Variants in WNK1 observed in about 807,000 individuals in gnomAD.
The protein encoded by WNK1 is WNK lysine deficient protein kinase 1.
A neutral mutation model predicts 222.8 loss-of-function variants in WNK1; 38 were observed. The observed-to-expected ratio is 0.17, with a 90% confidence interval of 0.13 to 0.22. The LOEUF is 0.22. Ranked by LOEUF, WNK1 falls within the 10% of genes least tolerant of loss-of-function variation. WNK1 has a pLI of 1.00. For synonymous variants in WNK1, 1,090 were observed against 1,092.9 expected (o/e 1.00, Z 0.05); for missense variants, 2,348 against 2,918.4 (o/e 0.80, Z 4.50).
intron 1 of WNK1, among the ~76,000 whole-genome samples, chr12:786,261 G>A (rs1053408021): frequency 2.6e-5 from 4 of 151,928 alleles, no homozygotes; most frequent in African/African-American, 4.8e-5. Context: ...GTCAATTTCC[G>A]TTTGTATTTC....
rs1346660368 is a variant in WNK1 at position 859,515 on chromosome 12, T to G, written c.1620+51T>G. 4 of 1,430,530 alleles carry G rather than the reference T, an allele frequency of 2.8e-6. No homozygotes were observed. In the African/African-American group the frequency reaches 5.7e-5, roughly 20 times the overall value. The allele number at this position is 1,430,530 out of a possible 1,614,324, so 88.6% of individuals were successfully genotyped here. A position where few individuals can be genotyped will look rare whatever the true frequency, so the allele number is the denominator to read the frequency against. The stretch of plus-strand genomic sequence containing the variant: ...ATTGATTTAGACTTATATATATCAA[T>G]ACTATCATTAAGCAAAAAAGCAGTT... On this transcript the variant is annotated intron_variant, in intron 6 of 27. Coordinates refer to ENST00000315939, the MANE Select transcript of WNK1 (RefSeq NM_018979.4).
At chr12:772,282 T>TA (rs1942602376) in intron 1 of WNK1, among the ~76,000 whole-genome samples, 1 of 152,214 alleles carries the variant, frequency 6.6e-6, no homozygotes, top group Admixed American at 6.5e-5. Context: ...TAGTTATCGT[T>TA]ATATTGTATG....
chr12:813,930 C>G (rs1947114073), intron 2 of WNK1, 116 bp downstream of exon 2: 5 of 1,038,682 alleles, frequency 4.8e-6, no homozygotes, highest in Non-Finnish European at 7.2e-6. Context: ...AACAGTCCTT[C>G]CAACTGTTAC....
chr12:767,739 A>G (rs751444345), intron 1 of WNK1, among the ~76,000 whole-genome samples: 4 of 152,152 alleles, frequency 2.6e-5, no homozygotes, highest in Admixed American at 6.6e-5. Flanking sequence ...GGGAATTTCT[A>G]ATAATAGTAA....
chr12:799,976 C>T (rs1307118771), intron 1 of WNK1, among the ~76,000 whole-genome samples: 1 of 152,084 alleles, frequency 6.6e-6, no homozygotes, highest in South Asian at 2.1e-4. Flanking sequence ...GCTTGTCCTA[C>T]AAAAATTTTT....
chr12:770,503 A>G (rs1353370479), intron 1 of WNK1, among the ~76,000 whole-genome samples: 1 of 152,232 alleles, frequency 6.6e-6, no homozygotes, highest in African/African-American at 2.4e-5. Context: ...TGACTACTAG[A>G]AAATTAAATT....
chr12:853,808 T>G (rs900281179), intron 4 of WNK1, among the ~76,000 whole-genome samples: 4 of 152,080 alleles, frequency 2.6e-5, no homozygotes, highest in African/African-American at 9.7e-5. Flanking sequence ...GAGAGTGCAG[T>G]GGCACAATCA....
chr12:755,758 C>T (rs1345121268), intron 1 of WNK1, among the ~76,000 whole-genome samples: 1 of 152,144 alleles, frequency 6.6e-6, no homozygotes, highest in East Asian at 1.9e-4. Flanking sequence ...GGGTGGATCA[C>T]GGGGTTAGGA....
rs527818252 is a variant in WNK1 at position 866,543 on chromosome 12, G to A, written c.2139+4273G>A. 8.5e-5 allele frequency among the ~76,000 whole-genome samples: 13 copies of A among 152,188 alleles called. No individual in the cohort carries two copies. In the East Asian group the frequency reaches 2.3e-3, roughly 27 times the overall value. On this transcript the variant is annotated intron_variant, in intron 8 of 27. Coordinates refer to ENST00000315939, the MANE Select transcript of WNK1 (RefSeq NM_018979.4). ...ACACCCAGCTAATTTTTGTATTTTAGTAGAGATGGGTTTCACCATGTTTGG... is the reference window on the plus strand; with the variant it reads ...ACACCCAGCTAATTTTTGTATTTTAATAGAGATGGGTTTCACCATGTTTGG...
At chr12:906,294 G>A (rs931411046) in intron 26 of WNK1, 13 of 984,534 alleles carry the variant, frequency 1.3e-5, no homozygotes, top group Admixed American at 1.2e-4. Flanking sequence ...TCCCCAAAAC[G>A]TGCCTCTTGG....
chr12:761,524 C>T lies in WNK1; in HGVS notation c.759+7200C>T, dbSNP rs1338063057. Among the ~76,000 whole-genome samples the T allele has an allele frequency of 2.0e-5, 3 of 148,058 alleles. 1 individual carries two copies. Among genetic ancestry groups the T allele is most frequent in the Non-Finnish European group, 4.5e-5 (3 of 66,218 alleles). ...TACCTTTTGTGCAGCTGAGGTTCAG[C>T]TTCTCAGAGACAATATTATTTTTGT... is the stretch of plus-strand genomic sequence containing the variant. On this transcript the variant is annotated intron_variant, in intron 1 of 27. Coordinates refer to ENST00000315939, the MANE Select transcript of WNK1 (RefSeq NM_018979.4).
chr12:787,567 T>G (rs1212512507), intron 1 of WNK1, among the ~76,000 whole-genome samples: 1 of 152,240 alleles, frequency 6.6e-6, no homozygotes, highest in African/African-American at 2.4e-5. Context: ...GTAGTTCTTG[T>G]GGGTTCCTGT....
rs553887274 is a variant in WNK1 at position 821,281 on chromosome 12, A to G, written c.933-5761A>G. 2.0e-5 allele frequency among the ~76,000 whole-genome samples: 3 copies of G among 152,238 alleles called. No individual in the cohort carries two copies. The South Asian group carries it at 6.2e-4, about 32-fold the overall frequency. On this transcript the variant is annotated intron_variant, in intron 2 of 27. Transcript: ENST00000315939. ...GAGAGTTTTTACATCTACATTAATA[A>G]CGGTGTTAGTCTATAGTTTTCTTTT...
rs546217405 is a variant in WNK1, at chr12:909,922, CAG to C, written c.*1132_*1133del. 173 of 152,300 alleles carry C rather than the reference CAG, an allele frequency of 1.1e-3. 1 individual carries two copies. The highest frequency in any genetic ancestry group is 3.7e-3 in the African/African-American group (152 of 41,538). The allele number at this position is 152,300 out of a possible 1,614,324, so 9.4% of individuals were successfully genotyped here. ...TTAGGTTGGCATCAGTGGTTAAAAA[CAG>C]AAAGTTCTGTTTCGGGAATAGTGAG... On this transcript the variant is annotated 3_prime_UTR_variant, in exon 28 of 28. Coordinates refer to ENST00000315939, the MANE Select transcript of WNK1 (RefSeq NM_018979.4).
chr12:835,583 A>G (rs958809809), intron 4 of WNK1, among the ~76,000 whole-genome samples: 1 of 152,162 alleles, frequency 6.6e-6, no homozygotes, highest in Non-Finnish European at 1.5e-5. Context: ...GGTATTGGGG[A>G]TATACCAAGT....
At chr12:887,987 A>T (rs996481144) in intron 20 of WNK1, among the ~76,000 whole-genome samples, 5 of 152,150 alleles carry the variant, frequency 3.3e-5, no homozygotes, top group Admixed American at 6.5e-5. Context: ...TACCTGTAAT[A>T]TTTATTATTT....
intron 2 of WNK1, among the ~76,000 whole-genome samples, chr12:823,054 G>GT (rs1027849510): frequency 7.2e-5 from 11 of 151,760 alleles, no homozygotes; most frequent in Admixed American, 2.6e-4. Flanking sequence ...CAGTCTTCAG[G>GT]TTTTTTTTGG....
chr12:767,057 G>C (rs571254433), intron 1 of WNK1, among the ~76,000 whole-genome samples: 1 of 151,958 alleles, frequency 6.6e-6, no homozygotes, highest in African/African-American at 2.4e-5. Flanking sequence ...GATTACAGGC[G>C]TGAGCCACCG....
intron 4 of WNK1, among the ~76,000 whole-genome samples, chr12:834,737 G>T (rs1451876717): frequency 6.6e-6 from 1 of 152,152 alleles, no homozygotes; most frequent in Non-Finnish European, 1.5e-5. Flanking sequence ...GGTACTGATA[G>T]TAGGCTGTGG....
Sources: gnomAD v4.1 joint callset for allele counts (sites outside exome capture counted in the v4.1 genomes callset) on GRCh38, gnomAD v4.1.1 for gene constraint, MANE v1.5 for transcripts, NCBI Gene and HGNC (gene_info 2026-07-23, HGNC 2026-07-21) for gene names.